Variants in LINGO1 observed in about 807,000 individuals in gnomAD.
LINGO1 encodes leucine rich repeat and Ig domain containing 1.
In LINGO1, 11 loss-of-function variants were observed where a neutral mutation model predicts 37.3. The observed-to-expected ratio is 0.29, with a 90% CI of 0.19 to 0.49. The LOEUF (loss-of-function observed/expected upper bound fraction) is 0.49. Among genes scored for constraint, LINGO1 ranks in the 20% least tolerant of loss-of-function variants. The pLI is 0.99. For missense variants in LINGO1, 585 were observed against 878.2 expected (o/e 0.67, Z 4.22); for synonymous variants, 387 against 403.0 (o/e 0.96, Z 0.48).
chr15:77,670,056 G>A (rs965425310), intron 3 of LINGO1, among the ~76,000 whole-genome samples: 2 of 152,188 alleles, frequency 1.3e-5, no homozygotes, highest in Non-Finnish European at 2.9e-5. Context: ...GAACATGGAT[G>A]AGCCTTAAAA....
intron 2 of LINGO1, among the ~76,000 whole-genome samples, chr15:77,722,781 C>T (rs910687084): frequency 3.9e-5 from 6 of 152,038 alleles, no homozygotes; most frequent in African/African-American, 9.7e-5. Context: ...GAGGGCTGGT[C>T]ATAAGTTGGT....
At chr15:77,760,916 CTTTTTTTTTT>C (rs34524098) in intron 1 of LINGO1, among the ~76,000 whole-genome samples, 4 of 96,396 alleles carry the variant, frequency 4.1e-5, no homozygotes, top group Non-Finnish European at 7.8e-5. Flanking sequence ...TAATAAGTAT[CTTTTTTTTTT>C]TTTTTTTTTT....
chr15:77,764,458 C>A lies in LINGO1; in HGVS notation c.-257+22411G>T, dbSNP rs140038633. Among the ~76,000 whole-genome samples, 7 of 152,244 alleles carry A rather than the reference C, an allele frequency of 4.6e-5. No homozygotes were observed. The East Asian group carries it at 1.4e-3, about 29-fold the overall frequency. ...TAGATAGCTGACAAAAAAACTGTTT[C>A]CAGGCTATATAAAGAATTCTGCAAA... On this transcript the variant is annotated intron_variant, in intron 1 of 3. Coordinates refer to the LINGO1 transcript ENST00000561686.
chr15:77,639,095 A>G (rs1420787417), upstream of LINGO1, among the ~76,000 whole-genome samples: 3 of 152,030 alleles, frequency 2.0e-5, no homozygotes, highest in Admixed American at 6.5e-5. Context: ...GGACCTTCCA[A>G]TCGCCACTTG....
intron 2 of LINGO1, among the ~76,000 whole-genome samples, chr15:77,711,877 C>T (rs1049647650): frequency 9.6e-5 from 12 of 125,456 alleles, no homozygotes; most frequent in Non-Finnish European, 2.2e-4. Flanking sequence ...TCTGTTCTCT[C>T]CTCTGAGGGG....
At chr15:77,747,521 C>T (rs961852195) in intron 1 of LINGO1, among the ~76,000 whole-genome samples, 3 of 152,258 alleles carry the variant, frequency 2.0e-5, no homozygotes, top group South Asian at 4.1e-4. Context: ...GGCTGGCCCT[C>T]TCTGTGTCAG....
At chr15:77,735,434 C>T (rs1384988237) in intron 1 of LINGO1, among the ~76,000 whole-genome samples, 1 of 152,228 alleles carries the variant, frequency 6.6e-6, no homozygotes, top group Non-Finnish European at 1.5e-5. Context: ...CTCAAATCCT[C>T]CCTCCTGAGG....
intron 1 of LINGO1, among the ~76,000 whole-genome samples, chr15:77,798,028 C>T (rs2076887306): frequency 6.6e-6 from 1 of 152,174 alleles, no homozygotes; most frequent in African/African-American, 2.4e-5. Flanking sequence ...ATCCTGACAA[C>T]AGAGCCACAA....
At chr15:77,724,031 T>C (rs1483287438) in intron 2 of LINGO1, among the ~76,000 whole-genome samples, 1 of 152,174 alleles carries the variant, frequency 6.6e-6, no homozygotes, top group Admixed American at 6.5e-5. Context: ...TAGCCGGGCG[T>C]GCGTGTCTGA....
intron 1 of LINGO1, among the ~76,000 whole-genome samples, chr15:77,765,302 T>C (rs1450087382): frequency 6.6e-6 from 1 of 151,926 alleles, no homozygotes; most frequent in African/African-American, 2.4e-5. Context: ...GTAATCCCAG[T>C]TACTCTGGAG....
chr15:77,813,683 G>C (rs2077025296), intron 1 of LINGO1, among the ~76,000 whole-genome samples: 1 of 152,204 alleles, frequency 6.6e-6, no homozygotes, highest in Non-Finnish European at 1.5e-5. Context: ...GGGGAGTCCT[G>C]GAATTACAGC....
chr15:77,706,321 C>A (rs1225594341), intron 2 of LINGO1, among the ~76,000 whole-genome samples: 1 of 152,232 alleles, frequency 6.6e-6, no homozygotes, highest in East Asian at 1.9e-4. Context: ...GAGTGGCCCA[C>A]CTTACTCTTC....
In LINGO1 at chr15:77,615,086, T is replaced by C. The variant is rs193100227; in HGVS notation, c.821A>G (p.Asn274Ser). The C allele has an allele frequency of 6.2e-6, 10 of 1,613,874 alleles. No homozygotes were observed. Among genetic ancestry groups the C allele is most frequent in the Admixed American group, 3.3e-5 (2 of 60,012 alleles). Reference sequence around the variant, plus strand: ...GGCCAGGTAGGGCACAGCGGTCAGATTGCAGTGTGTGATGGACAGGGACGT... The same window carrying C: ...GGCCAGGTAGGGCACAGCGGTCAGACTGCAGTGTGTGATGGACAGGGACGT... ...NLTSLSITHC[N>S]LTAVPYLAVR... Residue 274 changes from asparagine to serine, a missense_variant, in exon 2 of 2, where the codon AAT becomes AGT. Asn to Ser is a conservative substitution (Grantham distance 46). Transcript: ENST00000355300.
chr15:77,614,809 C>T lies in LINGO1; in HGVS notation c.1098G>A (p.Leu366=), dbSNP rs1204261430. Residue 366 remains leucine (L), a synonymous_variant, in exon 2 of 2, where the codon CTG becomes CTA. Transcript: ENST00000355300. ...AGTCGCAGGCCAGCGGGTTGGAGTC[C>T]AGGATGAGTGTCTCCAGGTTGCCCA... ...HSVGNLETLI[L]DSNPLACDCR... is the part of the protein sequence containing the mutation. 7 of 1,611,286 alleles carry T rather than the reference C, an allele frequency of 4.3e-6. No individual in the cohort carries two copies. The highest frequency in any genetic ancestry group is 5.9e-6 in the Non-Finnish European group (7 of 1,178,866).
chr15:77,715,820 C>T (rs754099684), intron 2 of LINGO1, among the ~76,000 whole-genome samples: 3 of 152,196 alleles, frequency 2.0e-5, no homozygotes, highest in Non-Finnish European at 4.4e-5. Flanking sequence ...CATCTCAGGA[C>T]AAGTGCTGGG....
intron 3 of LINGO1, among the ~76,000 whole-genome samples, chr15:77,649,705 C>A (rs755454317): frequency 2.0e-5 from 3 of 152,076 alleles, no homozygotes; most frequent in Non-Finnish European, 2.9e-5. Flanking sequence ...ACCCAGAGGG[C>A]AGTTAGGGGC....
chr15:77,702,603 T>C (rs573603857), intron 2 of LINGO1, among the ~76,000 whole-genome samples: 138 of 152,242 alleles, frequency 9.1e-4, no homozygotes, highest in African/African-American at 3.0e-3. Flanking sequence ...ATTCTCTAGG[T>C]AAGGAAACTG....
chr15:77,698,860 A>AG (rs1005200558), upstream of LINGO1, among the ~76,000 whole-genome samples: 2 of 152,088 alleles, frequency 1.3e-5, no homozygotes, highest in African/African-American at 4.8e-5. Flanking sequence ...CTGCAGTGAG[A>AG]GGGGAGACGT....
rs2076917604 is a variant in LINGO1, at chr15:77,801,440, T to C, written c.-457-5387A>G. On this transcript the variant is annotated intron_variant, in intron 1 of 5. Coordinates refer to the LINGO1 transcript ENST00000562933. ...TTCTGTAATTAACGATTTGTTGCTA[T>C]ATGCCCCAAAAGGCTGGAGGACAGC... Among the ~76,000 whole-genome samples the C allele has an allele frequency of 1.3e-5, 2 of 152,214 alleles. 1 individual carries two copies. Among genetic ancestry groups the C allele is most frequent in the Non-Finnish European group, 2.9e-5 (2 of 68,044 alleles).
Sources: gnomAD v4.1 joint callset for allele counts (sites outside exome capture counted in the v4.1 genomes callset) on GRCh38, gnomAD v4.1.1 for gene constraint, MANE v1.5 for transcripts, NCBI Gene and HGNC (gene_info 2026-07-23, HGNC 2026-07-21) for gene names.